Variants in DSC2 observed in about 807,000 individuals in gnomAD.
The protein encoded by DSC2 is desmocollin-2.
In DSC2, 51 loss-of-function variants were observed where a neutral mutation model predicts 87.6. The observed-to-expected ratio is 0.58, with a 90% CI of 0.46 to 0.74. The LOEUF (loss-of-function observed/expected upper bound fraction) is 0.74, where lower values mean the gene tolerates loss of function less well. Among genes scored for constraint, DSC2 ranks in the 30% least tolerant of loss-of-function variants. The pLI is 0.00. For missense variants in DSC2, 1,066 were observed against 1,089.5 expected (o/e 0.98, Z 0.30); for synonymous variants, 383 against 393.2 (o/e 0.97, Z 0.31).
chr18:31,062,351 A>G lies in DSC2; in HGVS notation c.*5664T>C, dbSNP rs1396655609. ...ATCATTTCTTGAATTTCTAAACATA[A>G]GTGGTTTTTAGTTGCTTTTCCTCAG... On this transcript the variant is annotated 3_prime_UTR_variant, in exon 16 of 16. Coordinates refer to ENST00000280904, the MANE Select transcript of DSC2 (RefSeq NM_024422.6). 1 of 151,904 alleles carries G rather than the reference A, an allele frequency of 6.6e-6. No homozygotes were observed. The highest frequency in any genetic ancestry group is 1.5e-5 in the Non-Finnish European group (1 of 68,012). 9.4% of individuals were successfully genotyped at this position (151,904 alleles called of 1,614,324 possible).
intron 4 of DSC2, 63 bp downstream of exon 4, chr18:31,090,965 A>G: frequency 6.2e-7 from 1 of 1,603,024 alleles, no homozygotes; most frequent in Non-Finnish European, 8.5e-7. Context: ...CTTCATACTC[A>G]GTGTCATAAT....
In DSC2 at chr18:31,065,805, G is replaced by A. The variant is rs1986601243; in HGVS notation, c.*2210C>T. On this transcript the variant is annotated 3_prime_UTR_variant, in exon 16 of 16. Transcript: ENST00000280904. ...TGTTTCAAACCAGGCAATCCCATAC[G>A]AATGCCTCAGCAATCTTTGCACTAC... The A allele has an allele frequency of 1.3e-5, 2 of 152,114 alleles. No individual in the cohort carries two copies. The highest frequency in any genetic ancestry group is 2.9e-5 in the Non-Finnish European group (2 of 68,024). 9.4% of individuals were successfully genotyped at this position (152,114 alleles called of 1,614,324 possible).
intron 7 of DSC2, among the ~76,000 whole-genome samples, chr18:31,085,872 G>C: frequency 6.6e-6 from 1 of 152,060 alleles, no homozygotes; most frequent in East Asian, 1.9e-4. Flanking sequence ...ATAACTAAGT[G>C]AATGAATTAC....
At chr18:31,080,439 ATATGT>A (rs1210838333) in intron 9 of DSC2, 87 bp from the exon 10 acceptor site, 14 of 1,479,796 alleles carry the variant, frequency 9.5e-6, no homozygotes, top group African/African-American at 2.8e-5. Flanking sequence ...AAATTTGGAA[ATATGT>A]TAAGTGTCAT....
At chr18:31,068,241 A>G (rs1041637252) in intron 15 of DSC2, 29 bp from the exon 16 acceptor site, 69 of 1,612,028 alleles carry the variant, frequency 4.3e-5, no homozygotes, top group Middle Eastern at 1.6e-4. Flanking sequence ...CAACGTTTTT[A>G]TTATTATTAT....
chr18:31,085,080 T>C (rs1468721082), intron 7 of DSC2, among the ~76,000 whole-genome samples: 1 of 152,058 alleles, frequency 6.6e-6, no homozygotes. Flanking sequence ...GAGTCCACAT[T>C]ACCAAAAACA....
At chr18:31,091,777 A>G (rs1443973199) in intron 3 of DSC2, among the ~76,000 whole-genome samples, 1 of 152,194 alleles carries the variant, frequency 6.6e-6, no homozygotes, top group Non-Finnish European at 1.5e-5. Flanking sequence ...TCCTTTCTTT[A>G]TACAGAGTTT....
At chr18:31,089,340 C>T in intron 5 of DSC2, 99 bp downstream of exon 5, 1 of 1,423,154 alleles carries the variant, frequency 7.0e-7, no homozygotes, top group African/African-American at 1.4e-5. Flanking sequence ...GCATTGGTGA[C>T]AAACTCAGAA....
At chr18:31,086,337 T>C (rs966093487) in intron 7 of DSC2, among the ~76,000 whole-genome samples, 11 of 152,200 alleles carry the variant, frequency 7.2e-5, no homozygotes, top group African/African-American at 2.4e-4. Context: ...TTTAATACTG[T>C]AAATATGTTT....
intron 11 of DSC2, among the ~76,000 whole-genome samples, chr18:31,078,544 C>T (rs1462515108): frequency 6.6e-6 from 1 of 151,840 alleles, no homozygotes; most frequent in Admixed American, 6.6e-5. Flanking sequence ...TTCCAAGTGC[C>T]GTTGAGTTTC....
intron 1 of DSC2, among the ~76,000 whole-genome samples, chr18:31,096,413 T>G (rs1478789764): frequency 2.0e-5 from 3 of 152,100 alleles, no homozygotes; most frequent in African/African-American, 7.2e-5. Context: ...AGAAGGAGAA[T>G]GAAATCAAAG....
In DSC2 at chr18:31,067,976, C is replaced by T; in HGVS notation, c.*39G>A. On this transcript the variant is annotated 3_prime_UTR_variant, in exon 16 of 16. Coordinates refer to ENST00000280904, the MANE Select transcript of DSC2 (RefSeq NM_024422.6). ...TTGGTTTGTAATTTTTTTTAAAAGT[C>T]ATAAAGCCACTGGCTTTCAGAGACT... The T allele has an allele frequency of 1.2e-6, 2 of 1,601,686 alleles. No individual in the cohort carries two copies. The highest frequency in any genetic ancestry group is 1.7e-6 in the Non-Finnish European group (2 of 1,170,218).
At chr18:31,101,570 G>A (rs1373637733) in intron 1 of DSC2, 1 of 294,150 alleles carries the variant, frequency 3.4e-6, no homozygotes, top group East Asian at 6.9e-5. Flanking sequence ...TCCGACCCCG[G>A]CGCACTCCCG....
At chr18:31,087,331 G>A (rs932209710) in intron 6 of DSC2, among the ~76,000 whole-genome samples, 7 of 152,136 alleles carry the variant, frequency 4.6e-5, no homozygotes, top group Admixed American at 2.0e-4. Context: ...TTTGGGCTAT[G>A]TTCTCTTACA....
Position 31,071,604 on chromosome 18 carries a change from C to T in DSC2, c.2125+1G>A, listed in dbSNP as rs754314549. ...AATTCAAGAAAGGACTTAAGACTTA[C>T]AAAAGAGCAATGCTATGCCCAACAA... On this transcript the variant is annotated splice_donor_variant, in intron 13 of 15. Coordinates refer to ENST00000280904, the MANE Select transcript of DSC2 (RefSeq NM_024422.6). LOFTEE classifies it high-confidence loss of function. The T allele has an allele frequency of 6.2e-7, 1 of 1,613,376 alleles. No individual in the cohort carries two copies. The highest frequency in any genetic ancestry group is 8.5e-7 in the Non-Finnish European group (1 of 1,179,336).
intron 1 of DSC2, among the ~76,000 whole-genome samples, chr18:31,095,169 C>T (rs990986984): frequency 1.3e-5 from 2 of 152,076 alleles, no homozygotes; most frequent in Admixed American, 1.3e-4. Flanking sequence ...AGGAAGTAAA[C>T]CAGTTTTCTA....
At chr18:31,069,235 C>G in intron 14 of DSC2, 84 bp from the exon 15 acceptor site, 1 of 1,555,976 alleles carries the variant, frequency 6.4e-7, no homozygotes, top group Non-Finnish European at 8.8e-7. Context: ...CGGATAATGC[C>G]TTTTTTTGTG....
intron 11 of DSC2, among the ~76,000 whole-genome samples, chr18:31,077,819 C>G (rs905410646): frequency 1.3e-5 from 2 of 152,030 alleles, no homozygotes; most frequent in African/African-American, 2.4e-5. Context: ...GCAAGTAACC[C>G]CATTCTAACA....
At position 31,067,797 on chromosome 18, in the gene DSC2, A is replaced by C. The variant is rs1393160520; in HGVS notation, c.*218T>G. 2 of 533,954 alleles carry C rather than the reference A, an allele frequency of 3.7e-6. No homozygotes were observed. The highest frequency in any genetic ancestry group is 3.8e-5 in the African/African-American group (2 of 52,530). 33.1% of individuals were successfully genotyped at this position (533,954 alleles called of 1,614,324 possible). A position where few individuals can be genotyped will look rare whatever the true frequency, so the allele number is the denominator to read the frequency against. ...TTAATTTCTCTGTAGACCTCCTTGG[A>C]TAGAAGATAAGTAATTTAAAAATAT... On this transcript the variant is annotated 3_prime_UTR_variant, in exon 16 of 16. Coordinates refer to ENST00000280904, the MANE Select transcript of DSC2 (RefSeq NM_024422.6).
Sources: gnomAD v4.1 joint callset for allele counts (sites outside exome capture counted in the v4.1 genomes callset) on GRCh38, gnomAD v4.1.1 for gene constraint, MANE v1.5 for transcripts, NCBI Gene and HGNC (gene_info 2026-07-23, HGNC 2026-07-21) for gene names.